Variants in CACNA2D1 observed in about 807,000 individuals in gnomAD.
CACNA2D1 encodes the protein voltage-dependent calcium channel subunit alpha-2/delta-1.
CACNA2D1 carries 53 observed loss-of-function variants against 171.5 expected under a neutral mutation model. That is an observed-to-expected ratio of 0.31 (90% CI 0.25 to 0.39). The LOEUF (loss-of-function observed/expected upper bound fraction) is 0.39, where lower values mean the gene tolerates loss of function less well. CACNA2D1 is among the 10% of genes least tolerant of loss of function. CACNA2D1 has a pLI of 1.00. For missense variants in CACNA2D1, 903 were observed against 1,299.8 expected, an observed-to-expected ratio of 0.69 and a Z score of 4.69; for synonymous variants, 442 against 443.1, an observed-to-expected ratio of 1.00 and a Z score of 0.03.
chr7:82,305,243 T>C (rs1442478812), intron 3 of CACNA2D1, among the ~76,000 whole-genome samples: 1 of 152,162 alleles, frequency 6.6e-6, no homozygotes, highest in Non-Finnish European at 1.5e-5. Flanking sequence ...TATTTTGGCA[T>C]AACAATGATT....
rs1224943243 is a variant in CACNA2D1, at chr7:81,963,999, T to G, written c.2780+57A>C. The G allele has an allele frequency of 6.3e-6, 9 of 1,421,342 alleles. No homozygotes were observed. In the Admixed American group the frequency reaches 1.6e-4, roughly 25 times the overall value. 88.0% of individuals were successfully genotyped at this position (1,421,342 alleles called of 1,614,324 possible). A position where few individuals can be genotyped will look rare whatever the true frequency, so the allele number is the denominator to read the frequency against. On this transcript the variant is annotated intron_variant, in intron 34 of 38. Coordinates refer to ENST00000356860, the MANE Select transcript of CACNA2D1 (RefSeq NM_000722.4). The stretch of plus-strand genomic sequence containing the variant: ...CTAAATCCATATTTTCATCAGATGC[T>G]TTTTTATTTTACAACTTCTTTCTTT...
intron 3 of CACNA2D1, among the ~76,000 whole-genome samples, chr7:82,260,870 T>C (rs1377435691): frequency 6.6e-6 from 1 of 152,192 alleles, no homozygotes; most frequent in Non-Finnish European, 1.5e-5. Context: ...GATTTTGCCA[T>C]ATCTTTTATA....
Position 81,974,518 on chromosome 7 carries a change from T to C in CACNA2D1, c.1990A>G (p.Asn664Asp), listed in dbSNP as rs777463785. 6.4e-7 allele frequency: 1 copy of C among 1,570,694 alleles called. No homozygotes were observed. The change falls in exon 25 of 39, where the codon AAC (asparagine) becomes GAC (aspartate). Residue 664 changes from asparagine (N) to aspartate (D), a missense_variant. Coordinates refer to ENST00000356860, the MANE Select transcript of CACNA2D1 (RefSeq NM_000722.4). The part of the protein sequence containing the change: ...YCNDLKISDN[N>D]TEFLLNFNEF... ...TTGAAATTTAAAAGAAATTCAGTGT[T>C]ATTATCCGATATTTTCAGGTCATTG...
chr7:82,319,249 A>G (rs1815509737), intron 3 of CACNA2D1, among the ~76,000 whole-genome samples: 3 of 152,196 alleles, frequency 2.0e-5, no homozygotes, highest in Non-Finnish European at 4.4e-5. Flanking sequence ...TAATATTTAA[A>G]CTAAAAACAT....
At chr7:82,133,801 G>A (rs1050825604) in intron 5 of CACNA2D1, among the ~76,000 whole-genome samples, 24 of 152,138 alleles carry the variant, frequency 1.6e-4, no homozygotes, top group African/African-American at 5.8e-4. Context: ...GGCCGGGCAC[G>A]GTGGCTCACG....
intron 38 of CACNA2D1, among the ~76,000 whole-genome samples, chr7:81,957,047 T>TATTTTTAG (rs1793468432): frequency 6.6e-6 from 1 of 152,126 alleles, no homozygotes; most frequent in Non-Finnish European, 1.5e-5. Context: ...TCTAAAAAGT[T>TATTTTTAG]ATTTAAGTCA....
intron 1 of CACNA2D1, among the ~76,000 whole-genome samples, chr7:82,359,332 A>G (rs1312826038): frequency 1.3e-5 from 2 of 152,182 alleles, no homozygotes; most frequent in Non-Finnish European, 2.9e-5. Context: ...CCATGATATT[A>G]CTTAATGTCA....
At chr7:81,951,973 T>TTTTTTTTTTTTGTTGTTG (rs1792609551) in intron 38 of CACNA2D1, among the ~76,000 whole-genome samples, 4 of 147,736 alleles carry the variant, frequency 2.7e-5, no homozygotes, top group East Asian at 2.0e-4. Context: ...CAAAGTGTTT[T>TTTTTTTTTTTTGTTGTTG]TTTTTTTTTT....
At chr7:81,990,548 G>GA (rs201780203) in intron 21 of CACNA2D1, among the ~76,000 whole-genome samples, 53 of 143,668 alleles carry the variant, frequency 3.7e-4, no homozygotes, top group African/African-American at 4.3e-4. Context: ...TTTCAGAAAG[G>GA]AAAAAAAAAA....
At chr7:82,338,629 G>A (rs1439551422) in intron 2 of CACNA2D1, among the ~76,000 whole-genome samples, 1 of 151,966 alleles carries the variant, frequency 6.6e-6, no homozygotes, top group East Asian at 1.9e-4. Context: ...GAGAACAATG[G>A]GATTCAGGCT....
intron 6 of CACNA2D1, among the ~76,000 whole-genome samples, chr7:82,115,880 C>T (rs373441029): frequency 6.6e-6 from 1 of 152,176 alleles, no homozygotes; most frequent in African/African-American, 2.4e-5. Context: ...AATTTAAATA[C>T]ATTAAACTTG....
chr7:82,164,056 A>G (rs1466084893), intron 4 of CACNA2D1, among the ~76,000 whole-genome samples: 1 of 151,950 alleles, frequency 6.6e-6, no homozygotes, highest in Non-Finnish European at 1.5e-5. Flanking sequence ...TCTGAAGTAG[A>G]TTTGCACAAC....
At chr7:82,147,240 A>C (rs2129101022) in intron 4 of CACNA2D1, among the ~76,000 whole-genome samples, 1 of 152,208 alleles carries the variant, frequency 6.6e-6, no homozygotes, top group South Asian at 2.1e-4. Flanking sequence ...AATTCTTATT[A>C]AACATTAAGA....
At chr7:82,080,995 G>A (rs968152340) in intron 7 of CACNA2D1, among the ~76,000 whole-genome samples, 30 of 152,176 alleles carry the variant, frequency 2.0e-4, no homozygotes, top group Non-Finnish European at 1.6e-4. Context: ...GGGATAAAAT[G>A]AGGAGTTATT....
At position 82,000,771 on chromosome 7, in the gene CACNA2D1, C is replaced by CTTTTTTTTTTTTTTT. The variant is rs774565705; in HGVS notation, c.1591-3536_1591-3522dup. Among the ~76,000 whole-genome samples the CTTTTTTTTTTTTTTT allele has an allele frequency of 1.7e-4, 9 of 51,958 alleles. 1 individual carries two copies. The East Asian group carries it at 2.4e-3, about 14-fold the overall frequency. 34.1% of individuals were successfully genotyped at this position (51,958 alleles called of 152,430 possible). A position where few individuals can be genotyped will look rare whatever the true frequency, so the allele number is the denominator to read the frequency against. Reference sequence around the variant, plus strand: ...TACCATGCCTAACTAATTTTTCTTTCTTTTTTTTTTTTTTTTTTTTTTTTT... The same window carrying CTTTTTTTTTTTTTTT: ...TACCATGCCTAACTAATTTTTCTTTCTTTTTTTTTTTTTTTTTTTTTTTTTTTTTTTTTTTTTTTT... On this transcript the variant is annotated intron_variant, in intron 18 of 38. Coordinates refer to ENST00000356860, the MANE Select transcript of CACNA2D1 (RefSeq NM_000722.4).
chr7:82,343,404 A>G (rs1818904089), intron 2 of CACNA2D1, among the ~76,000 whole-genome samples: 1 of 152,240 alleles, frequency 6.6e-6, no homozygotes, highest in South Asian at 2.1e-4. Flanking sequence ...TGACAATCGC[A>G]AACAGGCCAC....
chr7:82,169,312 T>C (rs1329343659), intron 4 of CACNA2D1, among the ~76,000 whole-genome samples: 1 of 152,032 alleles, frequency 6.6e-6, no homozygotes, highest in Non-Finnish European at 1.5e-5. Flanking sequence ...TTAACCTGTG[T>C]ATGATAAAGG....
intron 12 of CACNA2D1, among the ~76,000 whole-genome samples, chr7:82,024,326 C>A (rs1801623268): frequency 2.6e-5 from 4 of 151,582 alleles, no homozygotes; most frequent in African/African-American, 9.7e-5. Context: ...TCTTTTGTTT[C>A]TTTGATGACA....
At position 82,118,377 on chromosome 7, in the gene CACNA2D1, T is replaced by C. The variant is rs145237008; in HGVS notation, c.397-1204A>G. Among the ~76,000 whole-genome samples, 946 of 152,294 alleles carry C rather than the reference T, an allele frequency of 6.2e-3. 11 individuals carry two copies. Among genetic ancestry groups the C allele is most frequent in the African/African-American group, 0.022 (907 of 41,584 alleles). On this transcript the variant is annotated intron_variant, in intron 5 of 38. Coordinates refer to ENST00000356860, the MANE Select transcript of CACNA2D1 (RefSeq NM_000722.4). ...CCTAACTGTATTTGTTTTTAAATGA[T>C]ATGAAGTTTAAAAATTACGAGTTAA...
Sources: gnomAD v4.1 joint callset for allele counts (sites outside exome capture counted in the v4.1 genomes callset) on GRCh38, gnomAD v4.1.1 for gene constraint, MANE v1.5 for transcripts, NCBI Gene and HGNC (gene_info 2026-07-23, HGNC 2026-07-21) for gene names.